The following ESR1 variants were observed in gnomAD, a reference collection of about 807,000 sequenced individuals.
ESR1 encodes the protein estrogen receptor 1.
ESR1 carries 12 observed loss-of-function variants against 52.7 expected under a neutral mutation model. That is an observed-to-expected ratio of 0.23 (90% CI 0.15 to 0.37). ESR1 has a LOEUF of 0.37. Among genes scored for constraint, ESR1 ranks in the 10% least tolerant of loss-of-function variants. The probability of loss-of-function intolerance (pLI) is 1.00; values close to 1 mark genes in which losing one functional copy is unlikely to be tolerated. For synonymous variants in ESR1, 305 were observed against 316.8 expected, an observed-to-expected ratio of 0.96 and a Z score of 0.39; for missense variants, 584 against 779.7, an observed-to-expected ratio of 0.75 and a Z score of 2.99.
intron 6 of ESR1, among the ~76,000 whole-genome samples, chr6:152,120,353 G>T (rs180962490): frequency 1.3e-5 from 2 of 152,128 alleles, no homozygotes; most frequent in African/African-American, 2.4e-5. Context: ...ACCCTTCAAC[G>T]CCAATGGCCA....
chr6:152,126,731 T>C (rs1002396518), exon 7 of ESR1: 3 of 152,296 alleles, frequency 2.0e-5, no homozygotes, highest in Non-Finnish European at 2.9e-5. Flanking sequence ...ATAAGGAGAA[T>C]GGCAGGGAGG....
intron 1 of ESR1, among the ~76,000 whole-genome samples, chr6:151,691,198 AAGAACGAGCCCC>A (rs1302874963): frequency 6.6e-6 from 1 of 152,216 alleles, no homozygotes; most frequent in Non-Finnish European, 1.5e-5. Flanking sequence ...TTAGCAGCAA[AAGAACGAGCCCC>A]TCTGTCTTGA....
chr6:151,934,010 G>A lies in ESR1; in HGVS notation c.761-10163G>A, dbSNP rs117020455. The stretch of plus-strand genomic sequence containing the variant: ...TTGGCACTCCTCTGCTCTATGGAAA[G>A]CAGTGGCTTCTCATCTCTTTCAGAG... On this transcript the variant is annotated intron_variant, in intron 3 of 7. Transcript: ENST00000206249. Among the ~76,000 whole-genome samples the A allele has an allele frequency of 4.9e-3, 748 of 152,306 alleles. 2 individuals are homozygous for A. The highest frequency in any genetic ancestry group is 8.5e-3 in the Non-Finnish European group (581 of 68,022).
At position 152,061,256 on chromosome 6, in the gene ESR1, TA is replaced by T; in HGVS notation, c.1369+134del. 1.1e-6 allele frequency: 1 copy of T among 872,702 alleles called. No individual in the cohort carries two copies. 54.1% of individuals were successfully genotyped at this position (872,702 alleles called of 1,614,324 possible). A position where few individuals can be genotyped will look rare whatever the true frequency, so the allele number is the denominator to read the frequency against. ...GAAACTACTGACACACGTTTTAAAATAACCTACCAACATTGCAGATTCCTTA... is the reference window on the plus strand; with the variant it reads ...GAAACTACTGACACACGTTTTAAAATACCTACCAACATTGCAGATTCCTTA... On this transcript the variant is annotated intron_variant, in intron 6 of 7. Transcript: ENST00000206249. The surrounding 1 kb of genome is among the most constrained non-coding windows in gnomAD (Gnocchi z 4.3).
At chr6:151,975,916 C>A (rs893005982) in intron 4 of ESR1, among the ~76,000 whole-genome samples, 2 of 152,090 alleles carry the variant, frequency 1.3e-5, no homozygotes, top group African/African-American at 4.8e-5. Flanking sequence ...ATGCAGAGAT[C>A]AAGGAGCCTC....
intron 2 of ESR1, among the ~76,000 whole-genome samples, chr6:151,858,765 C>T (rs1171180332): frequency 6.6e-6 from 1 of 152,016 alleles, no homozygotes; most frequent in South Asian, 2.1e-4. Flanking sequence ...GATTAGGGAT[C>T]ACTGTGATTT....
chr6:151,764,324 A>G (rs1258924694), intron 2 of ESR1, among the ~76,000 whole-genome samples: 1 of 152,170 alleles, frequency 6.6e-6, no homozygotes, highest in Admixed American at 6.5e-5. Flanking sequence ...CATATGGAGT[A>G]TGGAAGAAGA....
At chr6:152,074,936 G>A (rs2048618698) in intron 6 of ESR1, among the ~76,000 whole-genome samples, 1 of 152,158 alleles carries the variant, frequency 6.6e-6, no homozygotes, top group African/African-American at 2.4e-5. Flanking sequence ...TAATCAGGTT[G>A]TTTGCGTTCT....
At chr6:151,816,584 C>G (rs1779688014) in intron 1 of ESR1, among the ~76,000 whole-genome samples, 1 of 152,124 alleles carries the variant, frequency 6.6e-6, no homozygotes, top group South Asian at 2.1e-4. Context: ...TCTGGAATGT[C>G]CCTATATTTG....
intron 5 of ESR1, among the ~76,000 whole-genome samples, chr6:152,013,451 A>G (rs1004025031): frequency 6.6e-6 from 1 of 152,058 alleles, no homozygotes; most frequent in East Asian, 1.9e-4. Context: ...CTTCTTTTTT[A>G]AAATTTAATT....
intron 2 of ESR1, among the ~76,000 whole-genome samples, chr6:151,766,561 A>G (rs1363028464): frequency 6.6e-6 from 1 of 152,212 alleles, no homozygotes; most frequent in Non-Finnish European, 1.5e-5. Context: ...TGTTTTCCAA[A>G]TAAAATATCA....
At chr6:152,090,665 AG>A (rs2050108543) in intron 6 of ESR1, among the ~76,000 whole-genome samples, 1 of 152,208 alleles carries the variant, frequency 6.6e-6, no homozygotes, top group Non-Finnish European at 1.5e-5. Flanking sequence ...GAAATGGAGA[AG>A]GGGGTTCCTC....
rs779119347 is a variant in ESR1 at position 151,766,169 on chromosome 6, C to G, written c.-70-41674C>G. Reference sequence around the variant, plus strand: ...TAAAATTTGTGATTTTTGAAGCACCCCTCTCTTCCTCTTCGCATTGCATTT... The same window carrying G: ...TAAAATTTGTGATTTTTGAAGCACCGCTCTCTTCCTCTTCGCATTGCATTT... On this transcript the variant is annotated intron_variant, in intron 2 of 2. Transcript: ENST00000404742. 3.7e-4 allele frequency among the ~76,000 whole-genome samples: 56 copies of G among 151,980 alleles called. 1 individual carries two copies. Among genetic ancestry groups the G allele is most frequent in the Admixed American group, 3.5e-3 (54 of 15,252 alleles).
At chr6:151,989,654 A>G (rs1215136809) in intron 4 of ESR1, among the ~76,000 whole-genome samples, 1 of 152,094 alleles carries the variant, frequency 6.6e-6, no homozygotes, top group Non-Finnish European at 1.5e-5. Flanking sequence ...CCTTCCATCT[A>G]TAATCAATTA....
intron 3 of ESR1, among the ~76,000 whole-genome samples, chr6:151,929,662 A>G (rs953649927): frequency 1.4e-5 from 2 of 142,636 alleles, no homozygotes; most frequent in Non-Finnish European, 1.6e-5. Flanking sequence ...GTAAAAATAA[A>G]TTAGCTGGGT....
exon 7 of ESR1, chr6:152,126,504 T>C (rs1292883714): frequency 6.6e-6 from 1 of 152,176 alleles, no homozygotes; most frequent in African/African-American, 2.4e-5. Flanking sequence ...CCAGTTTAGA[T>C]TGTGTTTATA....
At chr6:152,058,749 T>C (rs2047308775) in intron 5 of ESR1, among the ~76,000 whole-genome samples, 1 of 152,186 alleles carries the variant, frequency 6.6e-6, no homozygotes, top group Non-Finnish European at 1.5e-5. Flanking sequence ...TACTCTAGTG[T>C]TGAGCATAAG....
chr6:151,969,698 C>T (rs184992833), intron 4 of ESR1, among the ~76,000 whole-genome samples: 8 of 152,306 alleles, frequency 5.3e-5, no homozygotes, highest in Admixed American at 4.6e-4. Context: ...GACAGCAGTG[C>T]GGGCAGCTTC....
At chr6:151,955,773 A>G (rs1011935116) in intron 4 of ESR1, among the ~76,000 whole-genome samples, 5 of 152,176 alleles carry the variant, frequency 3.3e-5, no homozygotes, top group African/African-American at 7.2e-5. Flanking sequence ...AGTTTGTTAT[A>G]TAGGTAAACT....
Sources: gnomAD v4.1 joint callset for allele counts (sites outside exome capture counted in the v4.1 genomes callset) on GRCh38, gnomAD v4.1.1 for gene constraint, Gnocchi (gnomAD v3.1) non-coding constraint, MANE v1.5 for transcripts, NCBI Gene and HGNC (gene_info 2026-07-23, HGNC 2026-07-21) for gene names.